The following FILIP1L variants were observed in gnomAD, a reference collection of about 807,000 sequenced individuals.
FILIP1L encodes filamin A-interacting protein 1-like.
In FILIP1L, 55 loss-of-function variants were observed where a neutral mutation model predicts 96.6. The observed-to-expected ratio is 0.57, with a 90% confidence interval of 0.46 to 0.71. FILIP1L has a LOEUF of 0.71. Among genes scored for constraint, FILIP1L ranks in the 30% least tolerant of loss-of-function variants. The probability of loss-of-function intolerance (pLI) is 0.00; values close to 1 mark genes in which losing one functional copy is unlikely to be tolerated. For synonymous variants in FILIP1L, 467 were observed against 473.9 expected, an observed-to-expected ratio of 0.99 and a Z score of 0.19; for missense variants, 1,304 against 1,321.2, an observed-to-expected ratio of 0.99 and a Z score of 0.20.
intron 1 of FILIP1L, among the ~76,000 whole-genome samples, chr3:99,954,803 G>A (rs138917511): frequency 0.011 from 1,700 of 151,536 alleles, 17 homozygotes; most frequent in African/African-American, 0.025. Flanking sequence ...TCCAGCCTGA[G>A]CCACAGAGCA....
intron 1 of FILIP1L, among the ~76,000 whole-genome samples, chr3:100,000,572 A>C (rs746208862): frequency 6.6e-6 from 1 of 152,226 alleles, no homozygotes; most frequent in Non-Finnish European, 1.5e-5. Context: ...AATTCTGACC[A>C]GGCGCAGTAG....
At chr3:100,010,392 C>CCTGCCTCTT (rs1308412023) in intron 1 of FILIP1L, among the ~76,000 whole-genome samples, 1 of 151,944 alleles carries the variant, frequency 6.6e-6, no homozygotes, top group Non-Finnish European at 1.5e-5. Flanking sequence ...TTGAAAGAAA[C>CCTGCCTCTT]CTGCCTCTTT....
At chr3:99,970,843 T>C (rs893635290) in intron 1 of FILIP1L, among the ~76,000 whole-genome samples, 10 of 152,206 alleles carry the variant, frequency 6.6e-5, no homozygotes, top group Admixed American at 6.5e-4. Context: ...CAAAATGTTG[T>C]GAGGATATTA....
chr3:99,957,689 C>CTTTTTTTTTTTTTTTTT (rs1708363173), intron 1 of FILIP1L, among the ~76,000 whole-genome samples: 2 of 7,964 alleles, frequency 2.5e-4, no homozygotes, highest in Non-Finnish European at 6.0e-4. Context: ...TCTTTTCTTT[C>CTTTTTTTTTTTTTTTTT]TTTCTTTTTT....
rs145049326 is a variant in FILIP1L at position 99,958,344 on chromosome 3, G to A, written c.-10-27314C>T. ...CCCAGGGTCTATTTTTAACTGCCAC[G>A]GCTTGAGCAGAGCCATGAAGAGAGA... is the stretch of plus-strand genomic sequence containing the variant. On this transcript the variant is annotated intron_variant, in intron 1 of 5. Coordinates refer to ENST00000477258, the MANE Select transcript of FILIP1L (RefSeq NM_001387850.1). Among the ~76,000 whole-genome samples, 689 of 151,770 alleles carry A rather than the reference G, an allele frequency of 4.5e-3. 7 individuals are homozygous for A. The highest frequency in any genetic ancestry group is 0.016 in the African/African-American group (655 of 41,370).
At chr3:99,862,330 G>A (rs2107558659) in intron 4 of FILIP1L, among the ~76,000 whole-genome samples, 1 of 152,274 alleles carries the variant, frequency 6.6e-6, no homozygotes, top group Non-Finnish European at 1.5e-5. Context: ...CCTAAAGTAG[G>A]GGTCAGCTGG....
chr3:99,929,031 A>C (rs983749230), intron 3 of FILIP1L, among the ~76,000 whole-genome samples: 7 of 152,224 alleles, frequency 4.6e-5, no homozygotes, highest in African/African-American at 1.7e-4. Flanking sequence ...GCCAGAGTTT[A>C]TTTGAGGGAA....
In FILIP1L at chr3:100,097,950, A is replaced by G. The variant is rs138137388; in HGVS notation, c.-11+16103T>C. 4.6e-3 allele frequency among the ~76,000 whole-genome samples: 706 copies of G among 152,334 alleles called. 2 individuals are homozygous for G. Among genetic ancestry groups the G allele is most frequent in the South Asian group, 7.0e-3 (34 of 4,834 alleles). On this transcript the variant is annotated intron_variant, in intron 1 of 5. Transcript: ENST00000477258. ...TATTTTGTTGGTTTTTTAAAATTTC[A>G]TCAACGGTAGCATATCTGACAAGGT...
Position 99,848,603 on chromosome 3 carries a change from T to C in FILIP1L, c.3073A>G (p.Ile1025Val). Residue 1025 changes from isoleucine (I) to valine (V), a missense_variant, in exon 5 of 6, where the codon ATC (isoleucine) becomes GTC (valine). Transcript: ENST00000477258. ...EQGRSPEPTE[I>V]SAKHAIFRVS... is the part of the protein sequence containing the mutation. ...CTGAATATCGCATGCTTGGCACTGA[T>C]TTCTGTTGGTTCTGGGGAGCGTCCC... 1 of 1,614,132 alleles carries C rather than the reference T, an allele frequency of 6.2e-7. No homozygotes were observed.
chr3:99,946,217 A>G lies in FILIP1L; in HGVS notation c.-10-15187T>C, dbSNP rs374906860. ...TGGGTATGTCTATTACATCTTCAGAATAGCCCTGGATACTATTGTGATTGA... is the reference window on the plus strand; with the variant it reads ...TGGGTATGTCTATTACATCTTCAGAGTAGCCCTGGATACTATTGTGATTGA... On this transcript the variant is annotated intron_variant, in intron 1 of 5. Transcript: ENST00000477258. Among the ~76,000 whole-genome samples, 98 of 152,352 alleles carry G rather than the reference A, an allele frequency of 6.4e-4. 1 individual carries two copies. In the South Asian group the frequency reaches 0.02, roughly 31 times the overall value.
At chr3:99,957,693 C>CTTTTTTTTTTT (rs779350496) in intron 1 of FILIP1L, among the ~76,000 whole-genome samples, 231 of 19,838 alleles carry the variant, frequency 0.012, 44 homozygotes, top group African/African-American at 0.014. Context: ...TTCTTTCTTT[C>CTTTTTTTTTTT]TTTTTTTTTT....
At chr3:99,840,354 G>A (rs1488569538) in intron 5 of FILIP1L, among the ~76,000 whole-genome samples, 1 of 149,682 alleles carries the variant, frequency 6.7e-6, no homozygotes, top group Admixed American at 6.8e-5. Context: ...CTCCCAAGTA[G>A]CTGGGATTAC....
chr3:99,896,881 T>C (rs1706272560), intron 4 of FILIP1L, among the ~76,000 whole-genome samples: 1 of 152,208 alleles, frequency 6.6e-6, no homozygotes, highest in African/African-American at 2.4e-5. Context: ...CAAATCAGTG[T>C]ATACAACGGG....
At chr3:99,939,793 T>C (rs960594721) in intron 1 of FILIP1L, among the ~76,000 whole-genome samples, 20 of 152,226 alleles carry the variant, frequency 1.3e-4, no homozygotes, top group African/African-American at 4.8e-4. Flanking sequence ...TTTCCCCAGT[T>C]TGCAGATTCC....
intron 1 of FILIP1L, among the ~76,000 whole-genome samples, chr3:100,087,832 CTTTTTT>C (rs755041519): frequency 8.8e-6 from 1 of 114,122 alleles, no homozygotes; most frequent in East Asian, 2.4e-4. Flanking sequence ...ATTGTTTCAA[CTTTTTT>C]TTTTTTTTTT....
At chr3:100,106,696 G>A (rs553033447) in intron 1 of FILIP1L, among the ~76,000 whole-genome samples, 3 of 152,302 alleles carry the variant, frequency 2.0e-5, no homozygotes, top group Non-Finnish European at 2.9e-5. Context: ...CCTTCCTGCT[G>A]TAAATGTAAG....
At chr3:100,019,093 G>A (rs923470623) in intron 1 of FILIP1L, among the ~76,000 whole-genome samples, 1 of 152,192 alleles carries the variant, frequency 6.6e-6, no homozygotes, top group African/African-American at 2.4e-5. Flanking sequence ...TTGTTCAAGG[G>A]AATGTAAATT....
intron 4 of FILIP1L, among the ~76,000 whole-genome samples, chr3:99,899,950 A>G (rs979771622): frequency 3.3e-5 from 5 of 152,204 alleles, no homozygotes; most frequent in Non-Finnish European, 7.4e-5. Context: ...CTAAGGTGCT[A>G]AATACGGTGT....
At chr3:99,892,083 T>TA (rs1706100471) in intron 4 of FILIP1L, among the ~76,000 whole-genome samples, 1 of 152,244 alleles carries the variant, frequency 6.6e-6, no homozygotes, top group Non-Finnish European at 1.5e-5. Flanking sequence ...GAGCTTCTGC[T>TA]ATGCTTTTAC....
Sources: allele counts gnomAD v4.1 joint callset (sites outside exome capture counted in the v4.1 genomes callset), GRCh38; gene constraint gnomAD v4.1.1; transcripts MANE v1.5; gene names NCBI Gene and HGNC (gene_info 2026-07-23, HGNC 2026-07-21).